The following CALN1 variants were observed in gnomAD, a reference collection of about 807,000 sequenced individuals.
The protein encoded by CALN1 is calneuron 1.
Under a neutral mutation model 30.6 loss-of-function variants are expected in CALN1, and 17 were observed. That is an observed-to-expected ratio of 0.56 (90% CI 0.38 to 0.83). CALN1 has a LOEUF of 0.83. Among genes scored for constraint, CALN1 ranks in the 40% least tolerant of loss-of-function variants. The pLI, the probability that CALN1 is intolerant of heterozygous loss-of-function variation, is 0.00. For missense variants in CALN1, 291 were observed against 354.9 expected, an observed-to-expected ratio of 0.82 and a Z score of 1.45; for synonymous variants, 156 against 131.4, an observed-to-expected ratio of 1.19 and a Z score of -1.28.
chr7:72,094,407 A>AC lies in CALN1; in HGVS notation c.388+11743dup, dbSNP rs564891566. On this transcript the variant is annotated intron_variant, in intron 4 of 6. Coordinates refer to ENST00000395275, the MANE Select transcript of CALN1 (RefSeq NM_031468.4). ...GTAGCTGGGAATACAGGCGCACACC[A>AC]CAACACCCAGCTAATTCTGTATTTT... 1.7e-3 allele frequency among the ~76,000 whole-genome samples: 259 copies of AC among 152,214 alleles called. 1 individual carries two copies. Among genetic ancestry groups the AC allele is most frequent in the Non-Finnish European group, 2.4e-3 (161 of 68,034 alleles).
intron 3 of CALN1, among the ~76,000 whole-genome samples, chr7:72,215,568 G>A (rs1190047059): frequency 6.7e-6 from 1 of 149,566 alleles, no homozygotes; most frequent in Non-Finnish European, 1.5e-5. Context: ...CACTCTAGCT[G>A]GGTGACAAGA....
intron 5 of CALN1, among the ~76,000 whole-genome samples, chr7:71,923,628 C>T (rs1429558619): frequency 6.6e-6 from 1 of 152,068 alleles, no homozygotes; most frequent in East Asian, 1.9e-4. Flanking sequence ...TATTGTTTTT[C>T]CTGGGTGCCA....
chr7:72,030,726 GT>G (rs1032742251), intron 4 of CALN1, among the ~76,000 whole-genome samples: 3 of 152,038 alleles, frequency 2.0e-5, no homozygotes, highest in South Asian at 2.1e-4. Context: ...GGTGGACATG[GT>G]TTTTTAAAAT....
chr7:72,348,314 T>G (rs748218324), intron 2 of CALN1, among the ~76,000 whole-genome samples: 1 of 152,184 alleles, frequency 6.6e-6, no homozygotes, highest in Non-Finnish European at 1.5e-5. Flanking sequence ...GTCCTGCAAC[T>G]GCCCAGCTTT....
upstream of CALN1, among the ~76,000 whole-genome samples, chr7:72,416,196 CA>C (rs1028155068): frequency 1.3e-5 from 2 of 152,334 alleles, no homozygotes; most frequent in African/African-American, 4.8e-5. Context: ...TTACCATTGC[CA>C]TGGCAACACC....
chr7:71,984,337 T>C (rs946481131), intron 5 of CALN1, among the ~76,000 whole-genome samples: 4 of 152,204 alleles, frequency 2.6e-5, no homozygotes, highest in African/African-American at 9.6e-5. Flanking sequence ...TCGCAAGGTG[T>C]GTAAGCCACT....
At chr7:72,117,308 G>A (rs983382697) in intron 3 of CALN1, among the ~76,000 whole-genome samples, 5 of 152,134 alleles carry the variant, frequency 3.3e-5, no homozygotes, top group Admixed American at 2.0e-4. Flanking sequence ...AGGAATGCTT[G>A]AGTTAAAATA....
At chr7:72,315,023 C>T (rs575979170) in intron 2 of CALN1, among the ~76,000 whole-genome samples, 118 of 151,280 alleles carry the variant, frequency 7.8e-4, no homozygotes, top group African/African-American at 2.6e-3. Flanking sequence ...TGACGGCACA[C>T]ACCTGTGGTC....
chr7:72,219,897 C>G (rs150878490), intron 3 of CALN1, among the ~76,000 whole-genome samples: 2 of 151,826 alleles, frequency 1.3e-5, no homozygotes, highest in African/African-American at 4.8e-5. Context: ...AGAACTGCAT[C>G]GATGATATCA....
chr7:72,071,676 T>A (rs1804404762), intron 4 of CALN1, among the ~76,000 whole-genome samples: 1 of 152,210 alleles, frequency 6.6e-6, no homozygotes, highest in Non-Finnish European at 1.5e-5. Context: ...CCAGAGGTAC[T>A]CCATTATTAG....
At chr7:72,360,606 ATTTT>A (rs564045355) in intron 2 of CALN1, among the ~76,000 whole-genome samples, 1 of 145,186 alleles carries the variant, frequency 6.9e-6, no homozygotes, top group African/African-American at 2.5e-5. Flanking sequence ...TTTCTTTTCT[ATTTT>A]TTTTTTATTA....
At chr7:71,957,629 G>A (rs1039103993) in intron 5 of CALN1, among the ~76,000 whole-genome samples, 9 of 152,126 alleles carry the variant, frequency 5.9e-5, no homozygotes, top group Non-Finnish European at 8.8e-5. Flanking sequence ...GCAATTTTCC[G>A]GTGAGTTAGA....
chr7:72,405,297 C>T (rs1806625064), intron 1 of CALN1, among the ~76,000 whole-genome samples: 1 of 152,240 alleles, frequency 6.6e-6, no homozygotes, highest in South Asian at 2.1e-4. Flanking sequence ...TGCACACACA[C>T]ACAACAGCAC....
intron 2 of CALN1, among the ~76,000 whole-genome samples, chr7:72,282,627 C>T (rs1797805941): frequency 6.6e-6 from 1 of 152,238 alleles, no homozygotes; most frequent in Admixed American, 6.5e-5. Flanking sequence ...TCTCACCAGA[C>T]ACAAAATCTA....
intron 5 of CALN1, among the ~76,000 whole-genome samples, chr7:71,824,794 C>T (rs998225688): frequency 1.4e-4 from 22 of 152,118 alleles, no homozygotes; most frequent in Admixed American, 5.2e-4. Flanking sequence ...GCTGCCTGGA[C>T]GATCAATGGG....
intron 3 of CALN1, among the ~76,000 whole-genome samples, chr7:72,260,297 CT>C (rs746608058): frequency 2.0e-5 from 3 of 152,290 alleles, no homozygotes; most frequent in East Asian, 3.9e-4. Context: ...TGATGTTACC[CT>C]TTTTGTTGAA....
intron 3 of CALN1, among the ~76,000 whole-genome samples, chr7:72,126,883 C>T (rs1808805044): frequency 6.6e-6 from 1 of 151,954 alleles, no homozygotes; most frequent in African/African-American, 2.4e-5. Context: ...GTGACAGATG[C>T]ACCAAGATCT....
chr7:71,862,379 G>A lies in CALN1; in HGVS notation c.502-51887C>T, dbSNP rs888862691. On this transcript the variant is annotated intron_variant, in intron 5 of 6. Coordinates refer to ENST00000395275, the MANE Select transcript of CALN1 (RefSeq NM_031468.4). ...AGTGGAAGGTAACTGAATCATGGAG[G>A]CAGGTCTTTCCCGTGCTGTTCTCAT... Among the ~76,000 whole-genome samples, 3 of 152,180 alleles carry A rather than the reference G, an allele frequency of 2.0e-5. No homozygotes were observed. In the East Asian group the frequency reaches 5.8e-4, roughly 29 times the overall value.
Position 72,133,395 on chromosome 7 carries a change from T to C in CALN1, c.245-27101A>G, listed in dbSNP as rs1162544417. ...GTTGAATAAAATAGGAATTAAAGAG[T>C]CCATACTGATATGAATGAATGAATA... On this transcript the variant is annotated intron_variant, in intron 3 of 6. Coordinates refer to ENST00000395275, the MANE Select transcript of CALN1 (RefSeq NM_031468.4). Among the ~76,000 whole-genome samples, 5 of 151,954 alleles carry C rather than the reference T, an allele frequency of 3.3e-5. No homozygotes were observed. The East Asian group carries it at 5.8e-4, about 18-fold the overall frequency.
Sources: gnomAD v4.1 joint callset for allele counts (sites outside exome capture counted in the v4.1 genomes callset) on GRCh38, gnomAD v4.1.1 for gene constraint, MANE v1.5 for transcripts, NCBI Gene and HGNC (gene_info 2026-07-23, HGNC 2026-07-21) for gene names.